MCM9: variants seen among roughly 807,000 people sequenced by gnomAD.
MCM9 encodes minichromosome maintenance 9 homologous recombination repair factor.
In MCM9, 55 loss-of-function variants were observed where a neutral mutation model predicts 72.8. The observed-to-expected ratio is 0.76, with a 90% CI of 0.61 to 0.95. The LOEUF (loss-of-function observed/expected upper bound fraction) is 0.95, where lower values mean the gene tolerates loss of function less well. MCM9 is among the 40% of genes least tolerant of loss of function. MCM9 has a pLI of 0.00. For synonymous variants in MCM9, 480 were observed against 503.4 expected (o/e 0.95, Z 0.62); for missense variants, 1,279 against 1,377.0 (o/e 0.93, Z 1.13).
intron 8 of MCM9, chr6:118,900,679 G>T: frequency 1.1e-6 from 1 of 921,588 alleles, no homozygotes; most frequent in Non-Finnish European, 1.8e-6. Context: ...GCCAGTAAGT[G>T]GCTAAGTGGA....
At chr6:118,913,444 A>G (rs993921544) in intron 6 of MCM9, 24 bp from the exon 7 acceptor site, 1 of 1,611,208 alleles carries the variant, frequency 6.2e-7, no homozygotes. Flanking sequence ...AAAGATCAGA[A>G]ATCAGCAATA....
intron 8 of MCM9, among the ~76,000 whole-genome samples, chr6:118,880,890 C>T (rs1778243023): frequency 6.6e-6 from 1 of 152,172 alleles, no homozygotes; most frequent in African/African-American, 2.4e-5. Context: ...GGGATACGTT[C>T]CAAGACCCCC....
At chr6:118,910,276 T>TTATGACTCTA (rs569424117) in intron 8 of MCM9, among the ~76,000 whole-genome samples, 76 of 152,122 alleles carry the variant, frequency 5.0e-4, no homozygotes, top group Non-Finnish European at 8.2e-4. Context: ...GAATTGACTT[T>TTATGACTCTA]TATGACTCTA....
In MCM9 at chr6:118,923,919, C is replaced by T. The variant is rs144849604; in HGVS notation, c.513G>A (p.Ser171=). The change falls in exon 4 of 14, where the codon TCG becomes TCA. Residue 171 remains serine (S), a synonymous_variant. Coordinates refer to ENST00000619706, the MANE Select transcript of MCM9 (RefSeq NM_017696.3). The part of the protein sequence containing the change: ...EQYYTFCRPS[S]CPSLESCDSS... ...AATCACAGCTCTCCAAGCTGGGACA[C>T]GAGGATGGCCGGCAAAAGGTGTAAT... is the stretch of plus-strand genomic sequence containing the variant. 2.9e-5 allele frequency: 47 copies of T among 1,614,070 alleles called. No homozygotes were observed. The highest frequency in any genetic ancestry group is 2.0e-4 in the Admixed American group (12 of 59,996).
chr6:118,880,840 T>C (rs1778239893), intron 8 of MCM9, among the ~76,000 whole-genome samples: 1 of 152,222 alleles, frequency 6.6e-6, no homozygotes, highest in African/African-American at 2.4e-5. Flanking sequence ...CAAACATTTA[T>C]TGTTAATATC....
At position 118,815,655 on chromosome 6, in the gene MCM9, A is replaced by C. The variant is rs1164411176; in HGVS notation, c.2601T>G (p.Pro867=). The stretch of plus-strand genomic sequence containing the variant: ...GATGGGAAGGGACTGTGCACTGTGC[A>C]GGCACCCTGGTGCTATTTCTGCACA... ...QKLCRNSTRV[P]AQCTVPSHPQ... is the part of the protein sequence containing the mutation. Residue 867 remains proline (P), a synonymous_variant, in exon 14 of 14, where the codon CCT becomes CCG. Transcript: ENST00000619706. 6.5e-7 allele frequency: 1 copy of C among 1,550,030 alleles called. No homozygotes were observed.
chr6:118,894,379 G>C, intron 8 of MCM9: 6 of 1,536,960 alleles, frequency 3.9e-6, no homozygotes, highest in Non-Finnish European at 5.2e-6. Context: ...GCCGCAACCA[G>C]CCCCAGTTCC....
intron 8 of MCM9, among the ~76,000 whole-genome samples, chr6:118,859,312 G>A (rs1776762095): frequency 6.6e-6 from 1 of 152,064 alleles, no homozygotes; most frequent in Non-Finnish European, 1.5e-5. Context: ...TATAAAGAAA[G>A]AAAGGAAACA....
chr6:118,820,969 T>A (rs572227779), intron 13 of MCM9, among the ~76,000 whole-genome samples: 6 of 152,162 alleles, frequency 3.9e-5, no homozygotes, highest in Non-Finnish European at 8.8e-5. Flanking sequence ...TGCTTTCCAT[T>A]TGCTTGGTAA....
intron 8 of MCM9, among the ~76,000 whole-genome samples, chr6:118,901,401 C>CTCTA (rs1779790921): frequency 6.6e-6 from 1 of 152,256 alleles, no homozygotes; most frequent in Admixed American, 6.5e-5. Flanking sequence ...GATGTGTGGT[C>CTCTA]TTGGGTCATT....
In MCM9 at chr6:118,856,448, G is replaced by C; in HGVS notation, c.1248C>G (p.Phe416Leu). The change falls in exon 9 of 14, where the codon TTC becomes TTG. Residue 416 changes from phenylalanine (F) to leucine (L), a missense_variant. Transcript: ENST00000619706. Reference protein sequence around the residue: ...ADAGLCCIDEFNSLKEHDRTS... With the variant: ...ADAGLCCIDELNSLKEHDRTS... ...TCCTATCATGCTCTTTGAGGCTATTGAACTCATCAATACAGCAAAGGCCCG... is the reference window on the plus strand; with the variant it reads ...TCCTATCATGCTCTTTGAGGCTATTCAACTCATCAATACAGCAAAGGCCCG... 6.5e-7 allele frequency: 1 copy of C among 1,535,556 alleles called. No individual in the cohort carries two copies. The highest frequency in any genetic ancestry group is 8.7e-7 in the Non-Finnish European group (1 of 1,146,866).
At chr6:118,817,955 A>C (rs1190105489) in intron 13 of MCM9, among the ~76,000 whole-genome samples, 1 of 152,016 alleles carries the variant, frequency 6.6e-6, no homozygotes, top group Non-Finnish European at 1.5e-5. Flanking sequence ...GTGTCTGTTC[A>C]TATCCTTCAC....
Position 118,910,934 on chromosome 6 carries a change from T to C in MCM9, c.1150+716A>G, listed in dbSNP as rs1265509906. On this transcript the variant is annotated intron_variant, in intron 8 of 13. Coordinates refer to ENST00000619706, the MANE Select transcript of MCM9 (RefSeq NM_017696.3). Reference sequence around the variant, plus strand: ...CCAATGGAAGTTAATCTGACTCCCTTAACAAGTAGCAAACATTTTTAAAAT... The same window carrying C: ...CCAATGGAAGTTAATCTGACTCCCTCAACAAGTAGCAAACATTTTTAAAAT... 1.0e-5 allele frequency: 10 copies of C among 985,266 alleles called. No homozygotes were observed. The Admixed American group carries it at 6.1e-4, about 61-fold the overall frequency. The allele number at this position is 985,266 out of a possible 1,614,324, so 61.0% of individuals were successfully genotyped here.
chr6:118,897,078 G>T (rs962437495), intron 8 of MCM9, among the ~76,000 whole-genome samples: 54 of 152,192 alleles, frequency 3.5e-4, no homozygotes, highest in African/African-American at 1.3e-3. Flanking sequence ...GGCTCAAGCA[G>T]TCCTCCCACC....
At chr6:118,906,671 C>G (rs192486785) in intron 8 of MCM9, among the ~76,000 whole-genome samples, 43 of 152,248 alleles carry the variant, frequency 2.8e-4, no homozygotes, top group African/African-American at 9.6e-4. Context: ...AGCTTAAATT[C>G]TGAGTGAGAA....
At chr6:118,847,728 A>G (rs1462172464) in intron 9 of MCM9, among the ~76,000 whole-genome samples, 2 of 151,900 alleles carry the variant, frequency 1.3e-5, no homozygotes, top group East Asian at 3.8e-4. Context: ...TCAAAAGCTC[A>G]CTGATATCTA....
At chr6:118,917,932 C>T in intron 5 of MCM9, 171 bp from the exon 6 acceptor site, 1 of 603,754 alleles carries the variant, frequency 1.7e-6, no homozygotes, top group Non-Finnish European at 2.9e-6. Context: ...AGATTCTTGA[C>T]TGTTGTCCCC....
chr6:118,822,172 A>G (rs1012128256), intron 13 of MCM9, among the ~76,000 whole-genome samples: 4 of 152,076 alleles, frequency 2.6e-5, no homozygotes, highest in Non-Finnish European at 4.4e-5. Flanking sequence ...CCCTTGCTGG[A>G]GAGGAGTTGC....
intron 8 of MCM9, among the ~76,000 whole-genome samples, chr6:118,877,276 G>T (rs1408372446): frequency 6.6e-6 from 1 of 152,212 alleles, no homozygotes; most frequent in Non-Finnish European, 1.5e-5. Context: ...CCAAATTGCA[G>T]ATCTGTAAAC....
Sources: gnomAD v4.1 joint callset for allele counts (sites outside exome capture counted in the v4.1 genomes callset) on GRCh38, gnomAD v4.1.1 for gene constraint, MANE v1.5 for transcripts, NCBI Gene and HGNC (gene_info 2026-07-23, HGNC 2026-07-21) for gene names.